The following PGAP4 variants were observed in gnomAD, a reference collection of about 807,000 sequenced individuals.
The protein encoded by PGAP4 is post-GPI attachment to proteins GalNAc transferase 4, also known as GPI-N-acetylgalactosamine transferase PGAP4.
PGAP4 carries 12 observed loss-of-function variants against 28.2 expected under a neutral mutation model. The observed-to-expected ratio is 0.42, with a 90% confidence interval of 0.27 to 0.69. The LOEUF (loss-of-function observed/expected upper bound fraction) is 0.69. Among genes scored for constraint, PGAP4 ranks in the 30% least tolerant of loss-of-function variants. The pLI is 0.22. For missense variants in PGAP4, 425 were observed against 513.5 expected, an observed-to-expected ratio of 0.83 and a Z score of 1.67; for synonymous variants, 205 against 211.8, an observed-to-expected ratio of 0.97 and a Z score of 0.28.
chr9:101,481,062 A>G (rs933597424), intron 1 of PGAP4, among the ~76,000 whole-genome samples: 1 of 152,172 alleles, frequency 6.6e-6, no homozygotes. Flanking sequence ...CTGTAGTCCT[A>G]GCTACTCAGT....
intron 2 of PGAP4, among the ~76,000 whole-genome samples, chr9:101,495,853 A>G (rs372836892): frequency 2.0e-5 from 3 of 151,282 alleles, no homozygotes; most frequent in East Asian, 3.9e-4. Flanking sequence ...CCAAACCAAA[A>G]CAAAACAAAA....
At chr9:101,506,234 G>C (rs567145917) in intron 2 of PGAP4, among the ~76,000 whole-genome samples, 68 of 152,140 alleles carry the variant, frequency 4.5e-4, no homozygotes, top group African/African-American at 1.6e-3. Context: ...TAAATAGTCA[G>C]GAGGATACAA....
chr9:101,488,388 G>A (rs1484189790), upstream of PGAP4, among the ~76,000 whole-genome samples: 1 of 152,180 alleles, frequency 6.6e-6, no homozygotes, highest in Non-Finnish European at 1.5e-5. Context: ...ACCAACACAA[G>A]TTGAATTCAG....
At chr9:101,494,136 A>G (rs898448510) in intron 2 of PGAP4, among the ~76,000 whole-genome samples, 1 of 152,122 alleles carries the variant, frequency 6.6e-6, no homozygotes, top group Non-Finnish European at 1.5e-5. Flanking sequence ...GACAATTTTT[A>G]TTTACTCATT....
At chr9:101,528,582 G>T (rs1211026002) in intron 2 of PGAP4, among the ~76,000 whole-genome samples, 1 of 152,024 alleles carries the variant, frequency 6.6e-6, no homozygotes, top group East Asian at 1.9e-4. Context: ...CCAAGGCCAG[G>T]TGGGTTTCTA....
At chr9:101,492,070 T>C (rs990323702), upstream of PGAP4, among the ~76,000 whole-genome samples, 1 of 152,128 alleles carries the variant, frequency 6.6e-6, no homozygotes. Context: ...GTTAAACACA[T>C]AATTGTGAAT....
intron 2 of PGAP4, chr9:101,531,213 C>T (rs1055627986): frequency 6.6e-6 from 1 of 151,994 alleles, no homozygotes; most frequent in Non-Finnish European, 1.5e-5. Context: ...CACACACACA[C>T]ACACACACAC....
intron 2 of PGAP4, among the ~76,000 whole-genome samples, chr9:101,520,017 A>C (rs1487316659): frequency 6.6e-6 from 1 of 152,124 alleles, no homozygotes; most frequent in Admixed American, 6.6e-5. Context: ...TTTGTTGAAG[A>C]TAAGTTGACT....
chr9:101,489,170 A>G (rs1826662446), upstream of PGAP4: 1 of 152,226 alleles, frequency 6.6e-6, no homozygotes, highest in Non-Finnish European at 1.5e-5. Context: ...CCGGCTTCAG[A>G]GTCCATTCTC....
At chr9:101,518,976 CTGTTTTTT>C (rs1826963012) in intron 2 of PGAP4, among the ~76,000 whole-genome samples, 1 of 152,124 alleles carries the variant, frequency 6.6e-6, no homozygotes, top group African/African-American at 2.4e-5. Flanking sequence ...TCAACATCTA[CTGTTTTTT>C]TGATTTTTTG....
At chr9:101,520,341 A>C (rs952607605) in intron 2 of PGAP4, among the ~76,000 whole-genome samples, 3 of 152,184 alleles carry the variant, frequency 2.0e-5, no homozygotes, top group Non-Finnish European at 2.9e-5. Context: ...TATCCACATG[A>C]GCATAGGATG....
At position 101,473,656 on chromosome 9, in the gene PGAP4, C is replaced by T. The variant is rs1309848501; in HGVS notation, c.*2225G>A. On this transcript the variant is annotated 3_prime_UTR_variant, in exon 2 of 2. Coordinates refer to ENST00000374848, the MANE Select transcript of PGAP4 (RefSeq NM_032342.3). ...GGAGAAGTCGGGCAGGGGATGTCTG[C>T]ATGCAATAGACAACTGAATTAGAAA... 1 of 152,250 alleles carries T rather than the reference C, an allele frequency of 6.6e-6. No individual in the cohort carries two copies. Among genetic ancestry groups the T allele is most frequent in the Non-Finnish European group, 1.5e-5 (1 of 68,086 alleles). The allele number at this position is 152,250 out of a possible 1,614,324, so 9.4% of individuals were successfully genotyped here.
rs772805036 is a variant in PGAP4, at chr9:101,476,488, T to C, written c.605A>G (p.Tyr202Cys). The C allele has an allele frequency of 1.2e-6, 2 of 1,614,188 alleles. No homozygotes were observed. Among genetic ancestry groups the C allele is most frequent in the Non-Finnish European group, 1.7e-6 (2 of 1,180,038 alleles). The change falls in exon 2 of 2, where the codon TAC (tyrosine) becomes TGC (cysteine). Residue 202 changes from tyrosine (Y) to cysteine (C), a missense_variant. Coordinates refer to ENST00000374848, the MANE Select transcript of PGAP4 (RefSeq NM_032342.3). This position sits in a 1 kb window ranked among gnomAD's most constrained non-coding sequence, Gnocchi z 7.0. ...TACCATCAGGACGTAGTCTGGGTTG[T>C]AGGTCTGCAGGGATGACTCCAGGCA... ...VYCLESSLQT[Y>C]NPDYVLMVED...
At chr9:101,477,917 G>A (rs1826372696) in intron 1 of PGAP4, among the ~76,000 whole-genome samples, 1 of 148,704 alleles carries the variant, frequency 6.7e-6, no homozygotes, top group Non-Finnish European at 1.5e-5. Context: ...TTCAATGAGG[G>A]AGCGGGGGGG....
At chr9:101,503,693 G>A (rs1376174703) in intron 2 of PGAP4, among the ~76,000 whole-genome samples, 1 of 151,888 alleles carries the variant, frequency 6.6e-6, no homozygotes, top group East Asian at 1.9e-4. Flanking sequence ...GTGGTAACCT[G>A]GGAAAGCCTG....
intron 2 of PGAP4, among the ~76,000 whole-genome samples, chr9:101,496,216 A>G (rs1201383659): frequency 6.6e-6 from 1 of 151,430 alleles, no homozygotes; most frequent in Non-Finnish European, 1.5e-5. Context: ...GGTTAAAACC[A>G]GAGAAAGAAA....
intron 2 of PGAP4, among the ~76,000 whole-genome samples, chr9:101,508,648 C>T (rs1826869863): frequency 3.3e-5 from 5 of 152,170 alleles, no homozygotes; most frequent in Non-Finnish European, 7.4e-5. Flanking sequence ...AAGACAGTTT[C>T]TCCACAGACA....
chr9:101,484,240 G>A (rs2118548972), intron 1 of PGAP4, among the ~76,000 whole-genome samples: 1 of 151,826 alleles, frequency 6.6e-6, no homozygotes, highest in Non-Finnish European at 1.5e-5. Flanking sequence ...AGGAAGGAAG[G>A]AAGAAAAAGG....
chr9:101,501,867 T>G (rs1415573897), intron 2 of PGAP4: 1 of 458,742 alleles, frequency 2.2e-6, no homozygotes, highest in Non-Finnish European at 4.3e-6. Context: ...ATCCTCTGAC[T>G]GATGATCTGG....
Sources: allele counts gnomAD v4.1 joint callset (sites outside exome capture counted in the v4.1 genomes callset), GRCh38; gene constraint gnomAD v4.1.1; non-coding constraint Gnocchi (gnomAD v3.1); transcripts MANE v1.5; gene names NCBI Gene and HGNC (gene_info 2026-07-23, HGNC 2026-07-21).